PRORP: variants seen among roughly 807,000 people sequenced by gnomAD.
PRORP encodes protein only RNase P catalytic subunit.
A neutral mutation model predicts 59.4 loss-of-function variants in PRORP; 51 were observed. That is an observed-to-expected ratio of 0.86 (90% CI 0.69 to 1.08). PRORP has a LOEUF of 1.08. Ranked by LOEUF, PRORP falls within the 50% of genes least tolerant of loss-of-function variation. The pLI is 0.00. For synonymous variants in PRORP, 231 were observed against 245.6 expected (o/e 0.94, Z 0.55); for missense variants, 646 against 690.3 (o/e 0.94, Z 0.72).
chr14:35,270,216 C>T (rs982021272), intron 6 of PRORP, among the ~76,000 whole-genome samples, 185 bp from the exon 7 acceptor site: 2 of 152,192 alleles, frequency 1.3e-5, no homozygotes, highest in Non-Finnish European at 2.9e-5. Flanking sequence ...AGCTTTCCAT[C>T]TGTGTTCTAG....
At chr14:35,213,831 T>A (rs987387446) in intron 5 of PRORP, among the ~76,000 whole-genome samples, 2 of 152,118 alleles carry the variant, frequency 1.3e-5, no homozygotes, top group African/African-American at 4.8e-5. Context: ...ATGACAGATA[T>A]AATAATAATG....
At chr14:35,184,579 A>G (rs951620405) in intron 5 of PRORP, among the ~76,000 whole-genome samples, 3 of 152,126 alleles carry the variant, frequency 2.0e-5, no homozygotes, top group Non-Finnish European at 4.4e-5. Context: ...ATACATAAAC[A>G]TTTGTCAAGG....
At chr14:35,259,718 C>G (rs1011612368) in intron 5 of PRORP, among the ~76,000 whole-genome samples, 1 of 151,774 alleles carries the variant, frequency 6.6e-6, no homozygotes. Context: ...TGGTGAAAAT[C>G]GGGCTTTACT....
intron 4 of PRORP, among the ~76,000 whole-genome samples, chr14:35,132,520 C>T (rs950961843): frequency 5.9e-5 from 9 of 151,556 alleles, no homozygotes; most frequent in South Asian, 2.1e-4. Flanking sequence ...TTGTGGCTCA[C>T]GCCTGTAATC....
At chr14:35,163,205 C>G (rs2048103755) in intron 4 of PRORP, among the ~76,000 whole-genome samples, 1 of 151,920 alleles carries the variant, frequency 6.6e-6, no homozygotes, top group African/African-American at 2.4e-5. Context: ...TTACCCGTGG[C>G]TTTTAAGCGT....
chr14:35,223,225 CTTTT>C (rs11333388), intron 5 of PRORP, among the ~76,000 whole-genome samples: 1 of 145,442 alleles, frequency 6.9e-6, no homozygotes, highest in Admixed American at 6.8e-5. Context: ...ATCAGGTGCT[CTTTT>C]TTTTTTTTTT....
chr14:35,202,035 T>C (rs2049167393), intron 5 of PRORP, among the ~76,000 whole-genome samples: 1 of 150,654 alleles, frequency 6.6e-6, no homozygotes, highest in Admixed American at 6.6e-5. Context: ...AGTGGTGTGA[T>C]CTCGGCTCAC....
At chr14:35,176,199 G>A (rs2048445149) in intron 4 of PRORP, among the ~76,000 whole-genome samples, 3 of 152,040 alleles carry the variant, frequency 2.0e-5, no homozygotes, top group Non-Finnish European at 4.4e-5. Context: ...TGTTCTTTTG[G>A]CTTAGGATTG....
chr14:35,190,732 C>A (rs1297768703), intron 5 of PRORP, among the ~76,000 whole-genome samples: 2 of 152,036 alleles, frequency 1.3e-5, no homozygotes, highest in East Asian at 1.9e-4. Context: ...TCTCAATCTC[C>A]TGACCTCCTG....
intron 5 of PRORP, among the ~76,000 whole-genome samples, chr14:35,214,665 G>A (rs1051676931): frequency 1.2e-4 from 19 of 152,296 alleles, no homozygotes; most frequent in African/African-American, 4.6e-4. Flanking sequence ...TCAACACTTT[G>A]TGAGGCTGAG....
intron 5 of PRORP, among the ~76,000 whole-genome samples, chr14:35,242,214 GTACCTATCA>G (rs2050385866): frequency 6.6e-6 from 1 of 152,128 alleles, no homozygotes; most frequent in South Asian, 2.1e-4. Context: ...ACCTCAAGTA[GTACCTATCA>G]TATGTAGACA....
chr14:35,204,879 A>C (rs972177396), intron 5 of PRORP, among the ~76,000 whole-genome samples: 2 of 152,164 alleles, frequency 1.3e-5, no homozygotes, highest in Non-Finnish European at 2.9e-5. Flanking sequence ...TTTCACTAAC[A>C]TTTATTAAGA....
chr14:35,249,066 G>T (rs1452841146), intron 5 of PRORP, among the ~76,000 whole-genome samples: 1 of 152,116 alleles, frequency 6.6e-6, no homozygotes. Flanking sequence ...TCCCTAAAGT[G>T]GTCTTGCGTT....
chr14:35,219,610 G>A (rs2049718140), intron 5 of PRORP, among the ~76,000 whole-genome samples: 1 of 152,182 alleles, frequency 6.6e-6, no homozygotes, highest in African/African-American at 2.4e-5. Context: ...TGACATTTGG[G>A]GGTGCCTAAT....
At chr14:35,149,483 G>A (rs1205430012) in intron 4 of PRORP, among the ~76,000 whole-genome samples, 2 of 152,184 alleles carry the variant, frequency 1.3e-5, no homozygotes. Context: ...AAAGTACTGT[G>A]ATTACAGGTG....
intron 4 of PRORP, among the ~76,000 whole-genome samples, chr14:35,127,894 G>A (rs116106616): frequency 3.3e-5 from 5 of 152,116 alleles, no homozygotes; most frequent in South Asian, 2.1e-4. Flanking sequence ...TTAGAATTTC[G>A]TAGAATAATT....
chr14:35,179,409 C>T (rs895739386), intron 4 of PRORP, among the ~76,000 whole-genome samples: 1 of 152,074 alleles, frequency 6.6e-6, no homozygotes, highest in Non-Finnish European at 1.5e-5. Flanking sequence ...TCATATAGTC[C>T]CATATTTCTT....
chr14:35,240,766 T>G (rs1167640571), intron 5 of PRORP, among the ~76,000 whole-genome samples: 3 of 152,194 alleles, frequency 2.0e-5, no homozygotes, highest in Non-Finnish European at 2.9e-5. Flanking sequence ...CTGCTGAAAT[T>G]GCCTCCTCAA....
chr14:35,191,056 G>A (rs935417091), intron 5 of PRORP, among the ~76,000 whole-genome samples: 1 of 152,098 alleles, frequency 6.6e-6, no homozygotes, highest in African/African-American at 2.4e-5. Flanking sequence ...TCTGAACAAA[G>A]CCAGGCATGG....
Sources: allele counts gnomAD v4.1 joint callset (sites outside exome capture counted in the v4.1 genomes callset), GRCh38; gene constraint gnomAD v4.1.1; transcripts MANE v1.5; gene names NCBI Gene and HGNC (gene_info 2026-07-23, HGNC 2026-07-21).